ADAM28: variants seen among roughly 807,000 people sequenced by gnomAD.
The protein encoded by ADAM28 is disintegrin and metalloproteinase domain-containing protein 28.
In ADAM28, 105 loss-of-function variants were observed where a neutral mutation model predicts 101.2. The observed-to-expected ratio is 1.04, with a 90% confidence interval of 0.89 to 1.22. ADAM28 has a LOEUF of 1.22. Among genes scored for constraint, ADAM28 ranks in the 50% most tolerant of loss-of-function variants. ADAM28 has a pLI of 0.00. For synonymous variants in ADAM28, 322 were observed against 310.6 expected (o/e 1.04, Z -0.39); for missense variants, 1,028 against 945.4 (o/e 1.09, Z -1.15).
intron 18 of ADAM28, among the ~76,000 whole-genome samples, chr8:24,347,433 TC>T (rs1779009890): frequency 6.6e-6 from 1 of 152,096 alleles, no homozygotes; most frequent in South Asian, 2.1e-4. Context: ...ATTTATATTC[TC>T]CGGAAGAATT....
At chr8:24,311,793 T>C (rs1283705407) in intron 5 of ADAM28, among the ~76,000 whole-genome samples, 1 of 152,064 alleles carries the variant, frequency 6.6e-6, no homozygotes, top group Non-Finnish European at 1.5e-5. Context: ...GGCTGGAGTA[T>C]AGTGGTGCGA....
chr8:24,307,191 A>G (rs1809815502), intron 2 of ADAM28, among the ~76,000 whole-genome samples: 1 of 152,172 alleles, frequency 6.6e-6, no homozygotes, highest in Non-Finnish European at 1.5e-5. Context: ...GCAGTTGACC[A>G]CCCTTCTGAT....
intron 2 of ADAM28, among the ~76,000 whole-genome samples, chr8:24,300,715 T>C (rs940620322): frequency 6.6e-6 from 1 of 152,166 alleles, no homozygotes; most frequent in African/African-American, 2.4e-5. Context: ...CGCCTAGCCA[T>C]AAATTTAACA....
intron 13 of ADAM28, among the ~76,000 whole-genome samples, chr8:24,334,575 G>A (rs1813767287): frequency 6.6e-6 from 1 of 152,214 alleles, no homozygotes; most frequent in Admixed American, 6.5e-5. Flanking sequence ...AGACATAAGA[G>A]AAGATACAAG....
intron 6 of ADAM28, among the ~76,000 whole-genome samples, chr8:24,317,516 C>T (rs1811315431): frequency 6.6e-6 from 1 of 151,830 alleles, no homozygotes; most frequent in African/African-American, 2.4e-5. Flanking sequence ...TTTCTTATAC[C>T]ATAACTAAAA....
Position 24,349,896 on chromosome 8 carries a change from A to G in ADAM28, c.2023A>G (p.Met675Val), listed in dbSNP as rs200346695. ...FSIVVGVLFPMAVIFVVVAMV... is the reference protein window; with the variant it reads ...FSIVVGVLFPVAVIFVVVAMV... ...CATTGTGGTTGGGGTGCTGTTCCCA[A>G]TGGCGGTCATTTTTGTGGTGGTTGC... Residue 675 changes from methionine (M) to valine (V), a missense_variant, in exon 19 of 23, where the codon ATG becomes GTG. Met to Val is a conservative substitution (Grantham distance 21). Coordinates refer to ENST00000265769, the MANE Select transcript of ADAM28 (RefSeq NM_014265.6). 157 of 1,613,502 alleles carry G rather than the reference A, an allele frequency of 9.7e-5. No homozygotes were observed. The highest frequency in any genetic ancestry group is 1.2e-4 in the Non-Finnish European group (144 of 1,179,756).
At chr8:24,352,118 T>C (rs1033855197) in intron 21 of ADAM28, 66 bp downstream of exon 21, 1 of 1,374,402 alleles carries the variant, frequency 7.3e-7, no homozygotes, top group African/African-American at 1.4e-5. Flanking sequence ...GTGAAAGTCA[T>C]AGCCCACAAC....
chr8:24,336,090 A>G lies in ADAM28; in HGVS notation c.1567+449A>G, dbSNP rs982991751. The G allele has an allele frequency of 5.1e-6, 5 of 988,892 alleles. No homozygotes were observed. In the East Asian group the frequency reaches 4.5e-4, roughly 88 times the overall value. 61.3% of individuals were successfully genotyped at this position (988,892 alleles called of 1,614,324 possible). ...GGTGGCAGAAGTACTGTGGGATGGGACAGAAATAAGAAAAGATGGAAAAAA... is the reference window on the plus strand; with the variant it reads ...GGTGGCAGAAGTACTGTGGGATGGGGCAGAAATAAGAAAAGATGGAAAAAA... On this transcript the variant is annotated intron_variant, in intron 14 of 22. Transcript: ENST00000265769.
intron 2 of ADAM28, among the ~76,000 whole-genome samples, chr8:24,307,031 G>A (rs1809789028): frequency 6.6e-6 from 1 of 152,098 alleles, no homozygotes; most frequent in Non-Finnish European, 1.5e-5. Flanking sequence ...AGTCTCTCAG[G>A]CACACCTTAT....
chr8:24,351,383 C>CCTAT (rs779669094), intron 20 of ADAM28, 73 bp downstream of exon 20: 3 of 1,412,010 alleles, frequency 2.1e-6, no homozygotes, highest in South Asian at 2.3e-5. Flanking sequence ...ATCCTGACTA[C>CCTAT]CTATCTATCA....
In ADAM28 at chr8:24,331,132, C is replaced by T; in HGVS notation, c.1104-18C>T. The T allele has an allele frequency of 6.3e-7, 1 of 1,592,760 alleles. No individual in the cohort carries two copies. Among genetic ancestry groups the T allele is most frequent in the Admixed American group, 1.8e-5 (1 of 56,580 alleles). The stretch of plus-strand genomic sequence containing the variant: ...TAAGCATGACTATATTCCAGTTTTT[C>T]TTTCCTTATCTTCACAGCTTCTATA... On this transcript the variant is annotated intron_variant, in intron 11 of 22. Transcript: ENST00000265769.
At chr8:24,321,052 G>A (rs1218780379) in intron 7 of ADAM28, among the ~76,000 whole-genome samples, 166 bp from the exon 8 acceptor site, 3 of 151,930 alleles carry the variant, frequency 2.0e-5, no homozygotes, top group Admixed American at 6.6e-5. Context: ...GTGCTTTAAT[G>A]TAGCTAGATG....
Position 24,354,687 on chromosome 8 carries a change from T to A in ADAM28, c.*283T>A. On this transcript the variant is annotated 3_prime_UTR_variant, in exon 23 of 23. Coordinates refer to ENST00000265769, the MANE Select transcript of ADAM28 (RefSeq NM_014265.6). ...CCGAAGTTAAAATCTGTAATAGGAA[T>A]TGATTCATTCTCTAATGAAAACAAA... 1 of 283,792 alleles carries A rather than the reference T, an allele frequency of 3.5e-6. No individual in the cohort carries two copies. The highest frequency in any genetic ancestry group is 6.6e-6 in the Non-Finnish European group (1 of 151,650). The allele number at this position is 283,792 out of a possible 1,614,324, so 17.6% of individuals were successfully genotyped here. A position where few individuals can be genotyped will look rare whatever the true frequency, so the allele number is the denominator to read the frequency against.
At chr8:24,327,678 C>A (rs572915174) in intron 10 of ADAM28, among the ~76,000 whole-genome samples, 11 of 152,050 alleles carry the variant, frequency 7.2e-5, no homozygotes, top group African/African-American at 2.4e-4. Flanking sequence ...GGTACTGGGA[C>A]CAAAACAGAT....
Position 24,354,445 on chromosome 8 carries a change from TG to T in ADAM28, c.*43del. 6.3e-7 allele frequency: 1 copy of T among 1,588,368 alleles called. No homozygotes were observed. The highest frequency in any genetic ancestry group is 1.8e-5 in the Admixed American group (1 of 56,908). On this transcript the variant is annotated 3_prime_UTR_variant, in exon 23 of 23. Transcript: ENST00000265769. ...AGAACTAATGGCTAAATTATCAACT[TG>T]GAAAACTGGAAAATCTGGATGGCAG... is the stretch of plus-strand genomic sequence containing the variant.
intron 21 of ADAM28, among the ~76,000 whole-genome samples, chr8:24,352,698 G>GTGTATGTACAACTAAA: frequency 6.6e-6 from 1 of 152,114 alleles, no homozygotes; most frequent in South Asian, 2.1e-4. Context: ...GGTCTCAACT[G>GTGTATGTACAACTAAA]TGTATGTACA....
intron 5 of ADAM28, 49 bp from the exon 6 acceptor site, chr8:24,313,339 C>G (rs752879212): frequency 2.0e-6 from 3 of 1,527,678 alleles, no homozygotes; most frequent in South Asian, 1.3e-5. Flanking sequence ...CTGTATGAAC[C>G]TAATGCAACA....
At position 24,349,961 on chromosome 8, in the gene ADAM28, G is replaced by C; in HGVS notation, c.2088G>C (p.Lys696Asn). ...ACCAGAGCTCCAGAGAAAAGCAGAA[G>C]AAAGATCAGAGGTGATCCTTTATCT... The part of the protein sequence containing the change: ...IRHQSSREKQ[K>N]KDQRPLSTTG... Residue 696 changes from lysine (K) to asparagine (N), a missense_variant, in exon 19 of 23, where the codon AAG (lysine) becomes AAC (asparagine). Physicochemically the swap from Lys to Asn is moderately conservative, Grantham distance 94. Coordinates refer to ENST00000265769, the MANE Select transcript of ADAM28 (RefSeq NM_014265.6). The C allele has an allele frequency of 9.9e-6, 16 of 1,613,528 alleles. No homozygotes were observed. The highest frequency in any genetic ancestry group is 1.3e-5 in the African/African-American group (1 of 74,992).
In ADAM28 at chr8:24,354,699, C is replaced by A. The variant is rs1183138382; in HGVS notation, c.*295C>A. On this transcript the variant is annotated 3_prime_UTR_variant, in exon 23 of 23. Coordinates refer to ENST00000265769, the MANE Select transcript of ADAM28 (RefSeq NM_014265.6). ...TCTGTAATAGGAATTGATTCATTCT[C>A]TAATGAAAACAAAACATAAAAACAT... 1.6e-5 allele frequency: 4 copies of A among 245,314 alleles called. No homozygotes were observed. Among genetic ancestry groups the A allele is most frequent in the Non-Finnish European group, 3.1e-5 (4 of 128,108 alleles). 15.2% of individuals were successfully genotyped at this position (245,314 alleles called of 1,614,324 possible).
Sources: allele counts gnomAD v4.1 joint callset (sites outside exome capture counted in the v4.1 genomes callset), GRCh38; gene constraint gnomAD v4.1.1; transcripts MANE v1.5; gene names NCBI Gene and HGNC (gene_info 2026-07-23, HGNC 2026-07-21).